The following ALG9 variants were observed in gnomAD, a reference collection of about 807,000 sequenced individuals.
ALG9 encodes alpha-1,2-mannosyltransferase ALG9.
Under a neutral mutation model 81.8 loss-of-function variants are expected in ALG9, and 55 were observed. The observed-to-expected ratio is 0.67, with a 90% CI of 0.54 to 0.84. ALG9 has a LOEUF of 0.84. Among genes scored for constraint, ALG9 ranks in the 40% least tolerant of loss-of-function variants. ALG9 has a pLI of 0.00. For synonymous variants in ALG9, 278 were observed against 274.3 expected (o/e 1.01, Z -0.13); for missense variants, 629 against 745.0 (o/e 0.84, Z 1.81).
chr11:111,856,981 C>T (rs1376269263), intron 6 of ALG9, among the ~76,000 whole-genome samples: 1 of 152,194 alleles, frequency 6.6e-6, no homozygotes, highest in East Asian at 1.9e-4. Flanking sequence ...GTGGCGCACG[C>T]CTGTAGCCCC....
At chr11:111,806,412 T>C (rs551796914) in intron 14 of ALG9, among the ~76,000 whole-genome samples, 1 of 152,348 alleles carries the variant, frequency 6.6e-6, no homozygotes, top group South Asian at 2.1e-4. Flanking sequence ...ACAGTTGTTA[T>C]TCTTCATTTT....
At chr11:111,821,883 C>A (rs1952456915) in intron 13 of ALG9, among the ~76,000 whole-genome samples, 2 of 152,132 alleles carry the variant, frequency 1.3e-5, no homozygotes, top group Admixed American at 6.5e-5. Context: ...ATCCGCCTGC[C>A]TCGGCCTCCG....
intron 6 of ALG9, among the ~76,000 whole-genome samples, chr11:111,855,714 A>G (rs1457083433): frequency 6.6e-6 from 1 of 152,204 alleles, no homozygotes; most frequent in African/African-American, 2.4e-5. Context: ...GAAGCTCAAG[A>G]GAGATAACTG....
At chr11:111,839,059 A>C (rs1327933671) in intron 10 of ALG9, among the ~76,000 whole-genome samples, 1 of 152,164 alleles carries the variant, frequency 6.6e-6, no homozygotes, top group Non-Finnish European at 1.5e-5. Context: ...ATTTTTTGGA[A>C]TCTATCCTGA....
rs567032424 is a variant in ALG9, at chr11:111,871,347, C to T, written c.131+5G>A. 2.7e-5 allele frequency: 41 copies of T among 1,520,610 alleles called. No individual in the cohort carries two copies. In the East Asian group the frequency reaches 9.0e-4, roughly 34 times the overall value. The allele number at this position is 1,520,610 out of a possible 1,614,324, so 94.2% of individuals were successfully genotyped here. On this transcript the variant is annotated splice_donor_5th_base_variant and intron_variant, in intron 1 of 14. Coordinates refer to ENST00000616540, the MANE Select transcript of ALG9 (RefSeq NM_024740.2). ...GGCCACGCCCCTGCCGCGCCGCACACGTACTCGGTCCGGTGCTCCGCGCCG... is the reference window on the plus strand; with the variant it reads ...GGCCACGCCCCTGCCGCGCCGCACATGTACTCGGTCCGGTGCTCCGCGCCG...
intron 3 of ALG9, 143 bp from the exon 4 acceptor site, chr11:111,865,394 A>G (rs1035327216): frequency 2.5e-5 from 16 of 645,980 alleles, no homozygotes; most frequent in Non-Finnish European, 4.0e-5. Flanking sequence ...AAGAATTTTC[A>G]TATCCCTTGA....
intron 14 of ALG9, among the ~76,000 whole-genome samples, chr11:111,802,962 A>T (rs374084008): frequency 2.0e-4 from 30 of 152,318 alleles, no homozygotes; most frequent in African/African-American, 6.7e-4. Flanking sequence ...CAAGGCCATC[A>T]GAAGAAAATG....
intron 13 of ALG9, among the ~76,000 whole-genome samples, chr11:111,814,355 C>T (rs1194213992): frequency 6.6e-6 from 1 of 152,126 alleles, no homozygotes; most frequent in Non-Finnish European, 1.5e-5. Context: ...AAAATCATTA[C>T]CACAGGAGTC....
At chr11:111,855,420 G>C (rs1341137032) in intron 6 of ALG9, among the ~76,000 whole-genome samples, 1 of 152,130 alleles carries the variant, frequency 6.6e-6, no homozygotes, top group Non-Finnish European at 1.5e-5. Context: ...TGATTTACAG[G>C]GGTCAAGACT....
chr11:111,794,832 T>G (rs1285970514), intron 14 of ALG9, among the ~76,000 whole-genome samples: 1 of 152,232 alleles, frequency 6.6e-6, no homozygotes, highest in Non-Finnish European at 1.5e-5. Context: ...CTACAACCTT[T>G]AGTGCAGAAC....
In ALG9 at chr11:111,868,713, T is replaced by C. The variant is rs1963293856; in HGVS notation, c.294A>G (p.Glu98=). ...WEPTHYLIYG[E]GFQTWEYSPA... ...GGGAATATTCCCAAGTCTGAAACCC[T>C]TCCCCATAGATGAGGTAGTGTGTCT... Residue 98 remains glutamate (E), a synonymous_variant, in exon 3 of 15, where the codon GAA becomes GAG. Coordinates refer to ENST00000616540, the MANE Select transcript of ALG9 (RefSeq NM_024740.2). 6 of 1,613,058 alleles carry C rather than the reference T, an allele frequency of 3.7e-6. No homozygotes were observed. The highest frequency in any genetic ancestry group is 1.3e-5 in the African/African-American group (1 of 75,054).
At chr11:111,832,081 C>A (rs1379109615) in intron 13 of ALG9, among the ~76,000 whole-genome samples, 1 of 152,122 alleles carries the variant, frequency 6.6e-6, no homozygotes, top group Non-Finnish European at 1.5e-5. Context: ...CCACATCCAC[C>A]CATTCACCTT....
At chr11:111,793,012 C>G (rs1324660984) in intron 14 of ALG9, among the ~76,000 whole-genome samples, 6 of 152,140 alleles carry the variant, frequency 3.9e-5, no homozygotes, top group Non-Finnish European at 7.3e-5. Context: ...GAGACAGGAT[C>G]TCACTCTTTC....
At chr11:111,822,948 C>T (rs1555105362) in intron 13 of ALG9, among the ~76,000 whole-genome samples, 1 of 151,744 alleles carries the variant, frequency 6.6e-6, no homozygotes, top group Non-Finnish European at 1.5e-5. Flanking sequence ...CGCTTGAACC[C>T]GGGAGGCGGA....
chr11:111,769,310 C>CAA, the ALG9 span: 15 of 69,804 alleles, frequency 2.1e-4, no homozygotes, highest in East Asian at 1.3e-3. Context: ...GACCCTGTCT[C>CAA]AAAAAAAAAA....
At chr11:111,818,485 G>A (rs1951849443) in intron 13 of ALG9, among the ~76,000 whole-genome samples, 2 of 152,264 alleles carry the variant, frequency 1.3e-5, no homozygotes, top group East Asian at 1.9e-4. Flanking sequence ...AAAATACTGA[G>A]TTAGAGAACT....
the ALG9 span, among the ~76,000 whole-genome samples, chr11:111,772,402 G>A: frequency 1.3e-5 from 2 of 152,108 alleles, no homozygotes; most frequent in Admixed American, 6.5e-5. Flanking sequence ...CTCCAGCCTG[G>A]GCAATATAGC....
chr11:111,826,378 T>C (rs1293345954), intron 13 of ALG9, among the ~76,000 whole-genome samples: 2 of 130,286 alleles, frequency 1.5e-5, no homozygotes, highest in East Asian at 2.3e-4. Context: ...AAATAAACAA[T>C]ATATCCAGAG....
At chr11:111,770,671 C>G in the ALG9 span, among the ~76,000 whole-genome samples, 2 of 152,108 alleles carry the variant, frequency 1.3e-5, no homozygotes, top group Non-Finnish European at 2.9e-5. Flanking sequence ...TACATTCCAG[C>G]CTGGGAATAG....
Sources: allele counts gnomAD v4.1 joint callset (sites outside exome capture counted in the v4.1 genomes callset), GRCh38; gene constraint gnomAD v4.1.1; transcripts MANE v1.5; gene names NCBI Gene and HGNC (gene_info 2026-07-23, HGNC 2026-07-21).